ADORA1: variants seen among roughly 807,000 people sequenced by gnomAD.
The protein encoded by ADORA1 is adenosine receptor A1.
ADORA1 carries 6 observed loss-of-function variants against 19.9 expected under a neutral mutation model. That is an observed-to-expected ratio of 0.30 (90% CI 0.17 to 0.59). The LOEUF (loss-of-function observed/expected upper bound fraction) is 0.59. Among genes scored for constraint, ADORA1 ranks in the 20% least tolerant of loss-of-function variants. The pLI is 0.87. For synonymous variants in ADORA1, 194 were observed against 188.4 expected (o/e 1.03, Z -0.24); for missense variants, 302 against 439.2 (o/e 0.69, Z 2.79).
intron 3 of ADORA1, among the ~76,000 whole-genome samples, chr1:203,155,015 A>ATTT (rs1435152291): frequency 2.8e-4 from 34 of 119,686 alleles, no homozygotes; most frequent in African/African-American, 3.8e-4. Context: ...GGCTCTTCCT[A>ATTT]TTTATTATTA....
At position 203,140,385 on chromosome 1, in the gene ADORA1, G is replaced by A. The variant is rs1654642153; in HGVS notation, c.341+11203G>A. ...CGTGGGAGAAGGAATCCAATGTGAC[G>A]ATCCGGGCTTACGGCTTAAGCCACT... On this transcript the variant is annotated intron_variant, in intron 3 of 3. Transcript: ENST00000337894. 2.0e-5 allele frequency among the ~76,000 whole-genome samples: 3 copies of A among 152,216 alleles called. No individual in the cohort carries two copies. The South Asian group carries it at 6.2e-4, about 32-fold the overall frequency.
intron 3 of ADORA1, among the ~76,000 whole-genome samples, chr1:203,159,620 G>C (rs1015292409): frequency 6.6e-6 from 1 of 152,086 alleles, no homozygotes; most frequent in African/African-American, 2.4e-5. Flanking sequence ...TATTTCGCTT[G>C]GTAGGTCTTT....
chr1:203,128,349 G>GCCCAT lies in ADORA1; in HGVS notation c.-138_-137insATCCC, dbSNP rs1558124516. 7.8e-7 allele frequency: 1 copy of GCCCAT among 1,290,080 alleles called. No homozygotes were observed. The allele number at this position is 1,290,080 out of a possible 1,614,324, so 79.9% of individuals were successfully genotyped here. On this transcript the variant is annotated 5_prime_UTR_variant, in exon 2 of 4. The change creates a premature stop within an existing upstream ORF in the 5' untranslated region. Transcript: ENST00000337894. This position sits in a 1 kb window ranked among gnomAD's most constrained non-coding sequence, Gnocchi z 5.9. ...CGCGCGTTGTCCAGAGCCCAGCCCA[G>GCCCAT]CCCTACCGCGCGCGGCCCGGAGCTC... is the stretch of plus-strand genomic sequence containing the variant.
At chr1:203,148,247 T>G (rs1558132748) in intron 3 of ADORA1, among the ~76,000 whole-genome samples, 2 of 152,142 alleles carry the variant, frequency 1.3e-5, no homozygotes, top group East Asian at 3.9e-4. Context: ...ATACATGCTT[T>G]GGAGGCAGCT....
In ADORA1 at chr1:203,128,195, A is replaced by T. The variant is rs1558124384; in HGVS notation, c.-212-83A>T. On this transcript the variant is annotated intron_variant, in intron 1 of 3. Coordinates refer to ENST00000337894, the MANE Select transcript of ADORA1 (RefSeq NM_000674.3). This position sits in a 1 kb window ranked among gnomAD's most constrained non-coding sequence, Gnocchi z 5.9. ...TCCCCAGACCCACGTCTGCCACCCC[A>T]GTCCCAGGTGCGAAACAGGGGCGCT... The T allele has an allele frequency of 1.1e-5, 6 of 564,912 alleles. No individual in the cohort carries two copies. The South Asian group carries it at 1.1e-4, about 11-fold the overall frequency. 35.0% of individuals were successfully genotyped at this position (564,912 alleles called of 1,614,324 possible).
At chr1:203,138,266 T>C (rs1227142611) in intron 3 of ADORA1, among the ~76,000 whole-genome samples, 1 of 152,144 alleles carries the variant, frequency 6.6e-6, no homozygotes. Flanking sequence ...AACAGACATC[T>C]CAGTGGAATG....
At chr1:203,164,924 T>C (rs1655488244) in intron 3 of ADORA1, 4 of 943,836 alleles carry the variant, frequency 4.2e-6, no homozygotes, top group Non-Finnish European at 4.8e-6. Context: ...AATGATGAGA[T>C]AACCAGTGGG....
chr1:203,151,199 C>T (rs184573096), intron 3 of ADORA1, among the ~76,000 whole-genome samples: 35 of 152,310 alleles, frequency 2.3e-4, no homozygotes, highest in African/African-American at 3.4e-4. Flanking sequence ...ACCCTGAGTC[C>T]GCCTCCCATA....
rs902889826 is a variant in ADORA1 at position 203,128,359 on chromosome 1, G to T, written c.-131G>T. 3.1e-6 allele frequency: 4 copies of T among 1,290,150 alleles called. No individual in the cohort carries two copies. The South Asian group carries it at 4.9e-5, about 16-fold the overall frequency. The allele number at this position is 1,290,150 out of a possible 1,614,324, so 79.9% of individuals were successfully genotyped here. The stretch of plus-strand genomic sequence containing the variant: ...CCAGAGCCCAGCCCAGCCCTACCGC[G>T]CGCGGCCCGGAGCTCTGTTCCCTGG... On this transcript the variant is annotated 5_prime_UTR_variant, in exon 2 of 4. Transcript: ENST00000337894. This position sits in a 1 kb window ranked among gnomAD's most constrained non-coding sequence, Gnocchi z 5.9.
intron 3 of ADORA1, among the ~76,000 whole-genome samples, chr1:203,144,207 T>C (rs1364100116): frequency 2.0e-5 from 3 of 152,138 alleles, no homozygotes; most frequent in African/African-American, 7.2e-5. Context: ...TTCCTTGTTT[T>C]GCCTGCATGT....
chr1:203,165,294 G>C lies in ADORA1; in HGVS notation c.375G>C (p.Ala125=). ...YKMVVTPRRA[A]VAIAGCWILS... Reference sequence around the variant, plus strand: ...TGGTGGTGACCCCCCGGAGGGCGGCGGTGGCCATAGCCGGCTGCTGGATCC... The same window carrying C: ...TGGTGGTGACCCCCCGGAGGGCGGCCGTGGCCATAGCCGGCTGCTGGATCC... Residue 125 remains alanine, a synonymous_variant, in exon 4 of 4, where the codon GCG becomes GCC. Coordinates refer to ENST00000337894, the MANE Select transcript of ADORA1 (RefSeq NM_000674.3). This position sits in a 1 kb window ranked among gnomAD's most constrained non-coding sequence, Gnocchi z 5.9. The C allele has an allele frequency of 1.3e-6, 2 of 1,570,978 alleles. No homozygotes were observed. The highest frequency in any genetic ancestry group is 2.2e-5 in the East Asian group (1 of 44,472).
At chr1:203,149,641 C>G (rs1277588029) in intron 3 of ADORA1, among the ~76,000 whole-genome samples, 1 of 152,132 alleles carries the variant, frequency 6.6e-6, no homozygotes, top group African/African-American at 2.4e-5. Context: ...GAGGCGGGAC[C>G]TTCGAGTGGA....
At chr1:203,155,794 G>T (rs745642248) in intron 3 of ADORA1, among the ~76,000 whole-genome samples, 1 of 152,216 alleles carries the variant, frequency 6.6e-6, no homozygotes, top group Non-Finnish European at 1.5e-5. Flanking sequence ...CAGGACCTAG[G>T]TAGGGGACCA....
intron 3 of ADORA1, chr1:203,144,694 G>A (rs1040714124): frequency 1.1e-4 from 16 of 152,216 alleles, no homozygotes; most frequent in African/African-American, 3.9e-4. Context: ...ACTTACCTCT[G>A]CGGGTCTCAG....
At chr1:203,133,407 G>A (rs1353795233) in intron 3 of ADORA1, among the ~76,000 whole-genome samples, 2 of 152,152 alleles carry the variant, frequency 1.3e-5, no homozygotes, top group Non-Finnish European at 2.9e-5. Flanking sequence ...GAGCCACCTC[G>A]CCTGGCCTCT....
At chr1:203,163,651 C>A (rs1044181979) in intron 3 of ADORA1, among the ~76,000 whole-genome samples, 2 of 152,176 alleles carry the variant, frequency 1.3e-5, no homozygotes, top group Non-Finnish European at 2.9e-5. Context: ...CCAAAGGTCT[C>A]TTCTAGTCCT....
intron 3 of ADORA1, among the ~76,000 whole-genome samples, chr1:203,130,180 G>C (rs942614512): frequency 6.6e-6 from 1 of 152,256 alleles, no homozygotes; most frequent in African/African-American, 2.4e-5. Context: ...GCTTCTCTGG[G>C]ATGTAGGGCC....
In ADORA1 at chr1:203,129,231, T is replaced by A. The variant is rs778828223; in HGVS notation, c.341+49T>A. On this transcript the variant is annotated intron_variant, in intron 3 of 3. Transcript: ENST00000337894. ...CTCGCAGCACCACATGATGGCTGGC[T>A]TGAGGGCCATCTAGAAAGGAAAAAA... 5.8e-6 allele frequency: 9 copies of A among 1,555,826 alleles called. No homozygotes were observed. In the African/African-American group the frequency reaches 1.2e-4, roughly 21 times the overall value.
At chr1:203,159,450 C>G (rs552971587) in intron 3 of ADORA1, among the ~76,000 whole-genome samples, 16 of 152,308 alleles carry the variant, frequency 1.1e-4, no homozygotes, top group African/African-American at 3.8e-4. Flanking sequence ...TCTCTTGCCA[C>G]TCTTGCCTCA....
Sources: allele counts gnomAD v4.1 joint callset (sites outside exome capture counted in the v4.1 genomes callset), GRCh38; gene constraint gnomAD v4.1.1; non-coding constraint Gnocchi (gnomAD v3.1); transcripts MANE v1.5; gene names NCBI Gene and HGNC (gene_info 2026-07-23, HGNC 2026-07-21).